Variants in LRRC59 observed in about 807,000 individuals in gnomAD.
LRRC59 encodes the protein leucine-rich repeat-containing protein 59.
Under a neutral mutation model 33.5 loss-of-function variants are expected in LRRC59, and 18 were observed. The ratio of observed to expected loss-of-function variants is 0.54; its 90% CI spans 0.37 to 0.80. LRRC59 has a LOEUF of 0.80. Among genes scored for constraint, LRRC59 ranks in the 30% least tolerant of loss-of-function variants. The pLI, the probability that LRRC59 is intolerant of heterozygous loss-of-function variation, is 0.00. For missense variants in LRRC59, 330 were observed against 391.9 expected, an observed-to-expected ratio of 0.84 and a Z score of 1.33; for synonymous variants, 138 against 160.0, an observed-to-expected ratio of 0.86 and a Z score of 1.04.
In LRRC59 at chr17:50,383,222, G is replaced by A; in HGVS notation, c.690C>T (p.Gly230=). The A allele has an allele frequency of 1.9e-6, 3 of 1,552,124 alleles. No homozygotes were observed. The highest frequency in any genetic ancestry group is 2.6e-6 in the Non-Finnish European group (3 of 1,147,318). ...EANQAPKSKS[G]SRPRKPPPRK... ...GGGGTGGTGGCTTGCGGGGACGGGA[G>A]CCAGACTTAGATTCTGGAGGAAAAG... is the stretch of plus-strand genomic sequence containing the variant. The change falls in exon 7 of 7, where the codon GGC becomes GGT. Residue 230 remains glycine (G), a synonymous_variant. Transcript: ENST00000225972.
At chr17:50,386,813 C>G (rs1482578092) in intron 5 of LRRC59, among the ~76,000 whole-genome samples, 6 of 152,206 alleles carry the variant, frequency 3.9e-5, no homozygotes, top group Non-Finnish European at 7.3e-5. Context: ...AGAAATCAGC[C>G]AGCCAGTCAA....
chr17:50,387,964 C>A (rs1379586974), intron 5 of LRRC59, 96 bp downstream of exon 5: 1 of 1,238,108 alleles, frequency 8.1e-7, no homozygotes, highest in Non-Finnish European at 1.2e-6. Context: ...AACTGTTCTT[C>A]ATGACTACTC....
intron 4 of LRRC59, among the ~76,000 whole-genome samples, chr17:50,390,767 C>T (rs964824438): frequency 5.3e-5 from 8 of 152,214 alleles, no homozygotes; most frequent in African/African-American, 1.4e-4. Flanking sequence ...TGCAGACAGA[C>T]GACCTGATTC....
chr17:50,397,506 G>A lies in LRRC59; in HGVS notation c.-189C>T, dbSNP rs903486551. On this transcript the variant is annotated 5_prime_UTR_variant, in exon 1 of 7. Coordinates refer to ENST00000225972, the MANE Select transcript of LRRC59 (RefSeq NM_018509.4). Reference sequence around the variant, plus strand: ...CGCGCCTAGCTCCCACCGGTGCCGCGACGACGACCACTTCCGTGTCCACGT... The same window carrying A: ...CGCGCCTAGCTCCCACCGGTGCCGCAACGACGACCACTTCCGTGTCCACGT... The A allele has an allele frequency of 7.9e-6, 4 of 504,064 alleles. No homozygotes were observed. Among genetic ancestry groups the A allele is most frequent in the South Asian group, 5.1e-5 (2 of 39,282 alleles). The allele number at this position is 504,064 out of a possible 1,614,324, so 31.2% of individuals were successfully genotyped here.
chr17:50,388,949 C>A (rs1598369208), intron 4 of LRRC59, among the ~76,000 whole-genome samples: 1 of 152,200 alleles, frequency 6.6e-6, no homozygotes, highest in Non-Finnish European at 1.5e-5. Context: ...GTAGGTATCA[C>A]ACAGGGGCGT....
intron 2 of LRRC59, among the ~76,000 whole-genome samples, 186 bp downstream of exon 2, chr17:50,394,743 C>G (rs1036732288): frequency 1.3e-5 from 2 of 152,186 alleles, no homozygotes; most frequent in Admixed American, 6.5e-5. Flanking sequence ...AATTCCTTTC[C>G]CACTGAGACC....
chr17:50,390,680 C>A (rs1914122949), intron 4 of LRRC59, among the ~76,000 whole-genome samples: 1 of 152,134 alleles, frequency 6.6e-6, no homozygotes, highest in African/African-American at 2.4e-5. Context: ...ATGTACCAAG[C>A]AGATTAAGAC....
intron 4 of LRRC59, among the ~76,000 whole-genome samples, chr17:50,391,673 T>C (rs1431036923): frequency 6.6e-6 from 1 of 152,246 alleles, no homozygotes; most frequent in Non-Finnish European, 1.5e-5. Flanking sequence ...ATGACTCAAC[T>C]GTAATCAAAT....
At chr17:50,383,917 A>G (rs1233747120) in intron 6 of LRRC59, among the ~76,000 whole-genome samples, 1 of 151,320 alleles carries the variant, frequency 6.6e-6, no homozygotes, top group East Asian at 2.1e-4. Flanking sequence ...ACCCTGTATG[A>G]TCTTCATTTT....
intron 6 of LRRC59, among the ~76,000 whole-genome samples, chr17:50,384,721 C>T (rs552076569): frequency 8.6e-5 from 13 of 151,020 alleles, no homozygotes; most frequent in Non-Finnish European, 1.8e-4. Flanking sequence ...GCCGAGATCA[C>T]GCCATTGCAC....
At chr17:50,391,420 A>G (rs1396965073) in intron 4 of LRRC59, among the ~76,000 whole-genome samples, 1 of 152,198 alleles carries the variant, frequency 6.6e-6, no homozygotes, top group African/African-American at 2.4e-5. Flanking sequence ...GAATTCTAGT[A>G]TTTAAAGTTA....
intron 5 of LRRC59, chr17:50,386,378 G>A (rs574984155): frequency 6.6e-6 from 1 of 152,204 alleles, no homozygotes; most frequent in South Asian, 2.1e-4. Flanking sequence ...CCAAATTATT[G>A]GGTTCTAAAA....
Position 50,392,522 on chromosome 17 carries a change from G to A in LRRC59, c.325-20C>T, listed in dbSNP as rs1404419190. ...CAGGTTCTAAAGAGATGGGCGATGG[G>A]CAAAGAGGCTCATTAAGCCCGAGTT... On this transcript the variant is annotated intron_variant, in intron 3 of 6. Transcript: ENST00000225972. 2 of 1,590,472 alleles carry A rather than the reference G, an allele frequency of 1.3e-6. No individual in the cohort carries two copies. Among genetic ancestry groups the A allele is most frequent in the South Asian group, 1.1e-5 (1 of 90,584 alleles).
At chr17:50,395,108 G>C (rs1341655852) in intron 1 of LRRC59, 120 bp from the exon 2 acceptor site, 1 of 650,264 alleles carries the variant, frequency 1.5e-6, no homozygotes, top group Admixed American at 2.3e-5. Flanking sequence ...TTTTAAAATG[G>C]CAGTAAAGAG....
At chr17:50,388,957 C>T (rs1914077517) in intron 4 of LRRC59, among the ~76,000 whole-genome samples, 1 of 152,154 alleles carries the variant, frequency 6.6e-6, no homozygotes, top group African/African-American at 2.4e-5. Flanking sequence ...CACACAGGGG[C>T]GTGGCTAGCA....
rs1168020739 is a variant in LRRC59 at position 50,382,886 on chromosome 17, G to A, written c.*102C>T. 1.7e-5 allele frequency: 24 copies of A among 1,416,660 alleles called. No individual in the cohort carries two copies. The East Asian group carries it at 5.6e-4, about 33-fold the overall frequency. The allele number at this position is 1,416,660 out of a possible 1,614,324, so 87.8% of individuals were successfully genotyped here. A position where few individuals can be genotyped will look rare whatever the true frequency, so the allele number is the denominator to read the frequency against. On this transcript the variant is annotated 3_prime_UTR_variant, in exon 7 of 7. Coordinates refer to ENST00000225972, the MANE Select transcript of LRRC59 (RefSeq NM_018509.4). ...TACCAATCTGCAGCCATTTGATGAT[G>A]GCAGGTAGGTCTGATGCTAAAAAGA...
intron 4 of LRRC59, among the ~76,000 whole-genome samples, chr17:50,390,097 C>CAAAAAAA (rs57027679): frequency 1.2e-5 from 1 of 85,262 alleles, no homozygotes; most frequent in African/African-American, 4.4e-5. Flanking sequence ...GACTCTGTCT[C>CAAAAAAA]AAAAAAAAAA....
Position 50,383,030 on chromosome 17 carries a change from A to G in LRRC59, c.882T>C (p.His294=), listed in dbSNP as rs770681229. 1 of 1,609,968 alleles carries G rather than the reference A, an allele frequency of 6.2e-7. No individual in the cohort carries two copies. Among genetic ancestry groups the G allele is most frequent in the South Asian group, 1.1e-5 (1 of 90,872 alleles). ...YDNAVQGLRR[H]EILQWVLQTD... ...TCTGGAGGACCCACTGGAGGATCTC[A>G]TGGCGGCGTAGACCCTGGACCGCAT... The change falls in exon 7 of 7, where the codon CAT becomes CAC. Residue 294 remains histidine, a synonymous_variant. Transcript: ENST00000225972.
At chr17:50,386,175 G>A (rs1339929451) in intron 5 of LRRC59, 1 of 152,024 alleles carries the variant, frequency 6.6e-6, no homozygotes, top group African/African-American at 2.4e-5. Context: ...CAGTGGGAGT[G>A]GAGAAGGAAG....
Sources: allele counts gnomAD v4.1 joint callset (sites outside exome capture counted in the v4.1 genomes callset), GRCh38; gene constraint gnomAD v4.1.1; transcripts MANE v1.5; gene names NCBI Gene and HGNC (gene_info 2026-07-23, HGNC 2026-07-21).